Variants in CTNND2 observed in about 807,000 individuals in gnomAD.
CTNND2 encodes the protein catenin delta 2.
CTNND2 carries 22 observed loss-of-function variants against 144.4 expected under a neutral mutation model. That is an observed-to-expected ratio of 0.15 (90% CI 0.11 to 0.22). The LOEUF is 0.22. CTNND2 is among the 10% of genes least tolerant of loss of function. The pLI is 1.00. For missense variants in CTNND2, 1,353 were observed against 1,618.8 expected, an observed-to-expected ratio of 0.84 and a Z score of 2.82; for synonymous variants, 751 against 695.6, an observed-to-expected ratio of 1.08 and a Z score of -1.25.
intron 11 of CTNND2, among the ~76,000 whole-genome samples, chr5:11,182,826 G>C (rs1362427177): frequency 6.6e-6 from 1 of 152,162 alleles, no homozygotes; most frequent in Non-Finnish European, 1.5e-5. Context: ...TAGCAACTCA[G>C]ATTGTGTTTC....
intron 1 of CTNND2, among the ~76,000 whole-genome samples, chr5:11,775,408 C>G (rs927749785): frequency 6.6e-6 from 1 of 152,202 alleles, no homozygotes; most frequent in Non-Finnish European, 1.5e-5. Flanking sequence ...ACTAAGGACA[C>G]TCCTGAGGAT....
intron 1 of CTNND2, among the ~76,000 whole-genome samples, chr5:11,776,817 A>T (rs1280055971): frequency 6.6e-6 from 1 of 152,254 alleles, no homozygotes; most frequent in Non-Finnish European, 1.5e-5. Flanking sequence ...ACCAGAAGAT[A>T]GAAATATTTT....
Position 11,792,996 on chromosome 5 carries a change from T to A in CTNND2, c.38-60724A>T, listed in dbSNP as rs2126871908. 1.3e-5 allele frequency among the ~76,000 whole-genome samples: 2 copies of A among 152,356 alleles called. 1 individual carries two copies. Among genetic ancestry groups the A allele is most frequent in the Middle Eastern group, 6.8e-3 (2 of 292 alleles). ...ATATCATGATTTCCCAGCGATGCAT[T>A]TTAAGTAAAATTAGAAATGCTTTAG... On this transcript the variant is annotated intron_variant, in intron 1 of 21. Coordinates refer to ENST00000304623, the MANE Select transcript of CTNND2 (RefSeq NM_001332.4).
intron 3 of CTNND2, among the ~76,000 whole-genome samples, chr5:11,508,888 G>A (rs1002168451): frequency 1.3e-5 from 2 of 151,178 alleles, no homozygotes; most frequent in Non-Finnish European, 2.9e-5. Context: ...TCCAGCCTGG[G>A]CAATAGAGTG....
chr5:11,204,756 T>TA (rs978484742), intron 10 of CTNND2, among the ~76,000 whole-genome samples: 3 of 152,058 alleles, frequency 2.0e-5, no homozygotes, highest in Non-Finnish European at 2.9e-5. Flanking sequence ...GTATAGTGGA[T>TA]AAAAAAATAC....
intron 16 of CTNND2, among the ~76,000 whole-genome samples, chr5:11,058,792 TG>T (rs149348279): frequency 0.24 from 36,770 of 152,076 alleles, 4,748 homozygotes; most frequent in Non-Finnish European, 0.3. Context: ...GCCACAGGGG[TG>T]AAGCTGCCCA....
Position 11,151,178 on chromosome 5 carries a change from C to T in CTNND2, c.2159+8398G>A, listed in dbSNP as rs567138440. 5.3e-5 allele frequency among the ~76,000 whole-genome samples: 8 copies of T among 152,272 alleles called. No individual in the cohort carries two copies. In the South Asian group the frequency reaches 1.0e-3, roughly 20 times the overall value. ...GGGAAAGAATAAACAGCATGAAAAT[C>T]GATGTGTTACAGTGCTGGAGAGGCT... On this transcript the variant is annotated intron_variant, in intron 12 of 21. Coordinates refer to ENST00000304623, the MANE Select transcript of CTNND2 (RefSeq NM_001332.4).
At chr5:11,221,074 T>C (rs1233339666) in intron 10 of CTNND2, among the ~76,000 whole-genome samples, 1 of 152,202 alleles carries the variant, frequency 6.6e-6, no homozygotes, top group Non-Finnish European at 1.5e-5. Flanking sequence ...TTTTTTTTTC[T>C]TATGTTTGGA....
At chr5:11,081,494 T>C (rs148879705) in intron 16 of CTNND2, among the ~76,000 whole-genome samples, 232 of 152,304 alleles carry the variant, frequency 1.5e-3, no homozygotes, top group Middle Eastern at 3.4e-3. Flanking sequence ...GCAGAATACA[T>C]ACCAGTTAAG....
chr5:11,383,951 G>A (rs2548402), intron 7 of CTNND2, among the ~76,000 whole-genome samples: 3 of 151,994 alleles, frequency 2.0e-5, no homozygotes, highest in African/African-American at 7.2e-5. Flanking sequence ...TCTAAACTGG[G>A]AGAGGAAAGC....
chr5:11,322,449 A>T (rs190146752), intron 9 of CTNND2, among the ~76,000 whole-genome samples: 5 of 152,346 alleles, frequency 3.3e-5, no homozygotes, highest in Non-Finnish European at 5.9e-5. Context: ...AGCATTTATG[A>T]ATTGCCTCCA....
chr5:11,753,316 T>C (rs1034373217), intron 1 of CTNND2, among the ~76,000 whole-genome samples: 6 of 151,888 alleles, frequency 4.0e-5, no homozygotes, highest in Non-Finnish European at 7.4e-5. Flanking sequence ...GGGTATGTTA[T>C]AGATGGCTCT....
At chr5:11,791,510 C>T (rs1424564164) in intron 1 of CTNND2, among the ~76,000 whole-genome samples, 1 of 152,200 alleles carries the variant, frequency 6.6e-6, no homozygotes, top group African/African-American at 2.4e-5. Flanking sequence ...GCCACGATGG[C>T]TACTTATGTT....
chr5:11,201,524 A>T (rs1376085891), intron 10 of CTNND2, among the ~76,000 whole-genome samples: 2 of 152,250 alleles, frequency 1.3e-5, no homozygotes. Context: ...GCCTCTGATG[A>T]TTCCGAATAT....
At position 11,774,558 on chromosome 5, in the gene CTNND2, AAT is replaced by A. The variant is rs1491027489; in HGVS notation, c.38-42288_38-42287del. Among the ~76,000 whole-genome samples, 279 of 146,518 alleles carry A rather than the reference AAT, an allele frequency of 1.9e-3. 3 individuals are homozygous for A. Among genetic ancestry groups the A allele is most frequent in the African/African-American group, 6.5e-3 (264 of 40,438 alleles). On this transcript the variant is annotated intron_variant, in intron 1 of 21. Transcript: ENST00000304623. ...TAAAACTTAAAGTATAATAAAAAAA[AAT>A]TAAAAAAAAAAACAATGATGGCTTT...
At chr5:11,853,926 C>T (rs1288724111) in intron 1 of CTNND2, among the ~76,000 whole-genome samples, 1 of 152,180 alleles carries the variant, frequency 6.6e-6, no homozygotes, top group Non-Finnish European at 1.5e-5. Context: ...TCTCCGTGTC[C>T]ACCACTGCTG....
chr5:11,552,392 A>T (rs1428355494), intron 3 of CTNND2, among the ~76,000 whole-genome samples: 1 of 152,208 alleles, frequency 6.6e-6, no homozygotes, highest in African/African-American at 2.4e-5. Context: ...TTGACCTAAC[A>T]GGAGATTTCT....
At chr5:11,128,735 ATATATT>A (rs1754946659) in intron 12 of CTNND2, among the ~76,000 whole-genome samples, 1 of 43,906 alleles carries the variant, frequency 2.3e-5, no homozygotes, top group African/African-American at 1.2e-4. Context: ...TATATAATAT[ATATATT>A]TATATATATT....
At chr5:11,299,110 A>G (rs1044420131) in intron 9 of CTNND2, among the ~76,000 whole-genome samples, 1 of 152,150 alleles carries the variant, frequency 6.6e-6, no homozygotes, top group African/African-American at 2.4e-5. Context: ...ATAGTGACGC[A>G]TATCAGTCAC....
Sources: gnomAD v4.1 joint callset for allele counts (sites outside exome capture counted in the v4.1 genomes callset) on GRCh38, gnomAD v4.1.1 for gene constraint, MANE v1.5 for transcripts, NCBI Gene and HGNC (gene_info 2026-07-23, HGNC 2026-07-21) for gene names.